The following MANBA variants were observed in gnomAD, a reference collection of about 807,000 sequenced individuals.
The protein encoded by MANBA is mannosidase beta, also known as beta-mannosidase.
Under a neutral mutation model 111.1 loss-of-function variants are expected in MANBA, and 83 were observed. The ratio of observed to expected loss-of-function variants is 0.75; its 90% CI spans 0.63 to 0.90. The LOEUF (loss-of-function observed/expected upper bound fraction) is 0.90. Ranked by LOEUF, MANBA falls within the 40% of genes least tolerant of loss-of-function variation. The pLI is 0.00. For missense variants in MANBA, 1,036 were observed against 1,069.0 expected (o/e 0.97, Z 0.43); for synonymous variants, 370 against 378.7 (o/e 0.98, Z 0.27).
intron 2 of MANBA, among the ~76,000 whole-genome samples, chr4:102,725,141 G>A (rs1431760528): frequency 6.6e-6 from 1 of 152,134 alleles, no homozygotes; most frequent in South Asian, 2.1e-4. Context: ...TTTTGTGGGG[G>A]GATGAGGAAA....
At chr4:102,648,645 T>C (rs958448374) in intron 13 of MANBA, among the ~76,000 whole-genome samples, 2 of 152,108 alleles carry the variant, frequency 1.3e-5, no homozygotes, top group Non-Finnish European at 2.9e-5. Flanking sequence ...TATTCTAAAA[T>C]TGGATCATAG....
intron 1 of MANBA, among the ~76,000 whole-genome samples, chr4:102,759,579 A>C (rs996764741): frequency 2.6e-5 from 4 of 152,120 alleles, no homozygotes; most frequent in Non-Finnish European, 5.9e-5. Context: ...AAAAAAAAAA[A>C]AAACTACTAA....
At chr4:102,729,470 G>T in intron 1 of MANBA, 1 of 1,261,692 alleles carries the variant, frequency 7.9e-7, no homozygotes. Flanking sequence ...TGGGACTGCA[G>T]CTCCTGGATC....
In MANBA at chr4:102,668,962, C is replaced by G. The variant is rs566036784; in HGVS notation, c.1317+1G>C. On this transcript the variant is annotated splice_donor_variant, in intron 10 of 16. Coordinates refer to ENST00000647097, the MANE Select transcript of MANBA (RefSeq NM_005908.4). LOFTEE classifies it high-confidence loss of function. The stretch of plus-strand genomic sequence containing the variant: ...TTCTTCTTGGAAGGGTAGTAACATA[C>G]CTGGTAGGCAACTTCTGCTGTCACT... 1.2e-6 allele frequency: 2 copies of G among 1,607,096 alleles called. No individual in the cohort carries two copies. The highest frequency in any genetic ancestry group is 2.2e-5 in the East Asian group (1 of 44,818).
intron 1 of MANBA, among the ~76,000 whole-genome samples, chr4:102,740,764 T>A (rs1482165039): frequency 6.6e-6 from 1 of 151,982 alleles, no homozygotes; most frequent in African/African-American, 2.4e-5. Context: ...TGAAACTGGA[T>A]CCTCATCTCT....
chr4:102,669,225 A>G (rs1731377285), intron 9 of MANBA, among the ~76,000 whole-genome samples, 176 bp from the exon 10 acceptor site: 1 of 152,236 alleles, frequency 6.6e-6, no homozygotes, highest in African/African-American at 2.4e-5. Flanking sequence ...AATGTATCAA[A>G]GACATTAGGA....
chr4:102,634,759 C>T (rs764161357), intron 16 of MANBA, 29 bp downstream of exon 16: 43 of 1,612,280 alleles, frequency 2.7e-5, no homozygotes, highest in Non-Finnish European at 3.5e-5. Context: ...GGCCACAGTC[C>T]CCTGCCCTCC....
Position 102,657,825 on chromosome 4 carries a change from G to C in MANBA, c.1561C>G (p.Gln521Glu). 1.2e-6 allele frequency: 2 copies of C among 1,613,884 alleles called. No homozygotes were observed. Among genetic ancestry groups the C allele is most frequent in the Non-Finnish European group, 8.5e-7 (1 of 1,179,788 alleles). The stretch of plus-strand genomic sequence containing the variant: ...CCAAAATAATTGCTATTAGGGTTTT[G>C]AGAGACCCAGGCTTCTGCAACAGTT... ...AETVAEAWVS[Q>E]NPNSNYFGDV... Residue 521 changes from glutamine to glutamate, a missense_variant, in exon 12 of 17, where the codon CAA becomes GAA. By Grantham distance (29) the Gln-to-Glu change is conservative. Transcript: ENST00000647097.
At chr4:102,704,081 C>T (rs1733186505) in intron 5 of MANBA, among the ~76,000 whole-genome samples, 1 of 150,990 alleles carries the variant, frequency 6.6e-6, no homozygotes, top group Non-Finnish European at 1.5e-5. Context: ...GGTAACAGAG[C>T]AAAACTCTAT....
At chr4:102,647,381 A>G (rs898549221) in intron 13 of MANBA, among the ~76,000 whole-genome samples, 2 of 151,152 alleles carry the variant, frequency 1.3e-5, no homozygotes, top group Non-Finnish European at 2.9e-5. Flanking sequence ...CTGGCAACAA[A>G]TAACTCCACT....
chr4:102,690,485 T>A, intron 6 of MANBA, 111 bp downstream of exon 6: 1 of 1,008,938 alleles, frequency 9.9e-7, no homozygotes, highest in Non-Finnish European at 1.5e-6. Flanking sequence ...ATGACAAATA[T>A]AAGCAGAGAA....
intron 4 of MANBA, among the ~76,000 whole-genome samples, chr4:102,718,496 T>C (rs996591946): frequency 3.3e-5 from 5 of 152,120 alleles, no homozygotes; most frequent in African/African-American, 1.2e-4. Flanking sequence ...AGGATGTGGA[T>C]AAAGAGACTT....
chr4:102,664,966 C>T (rs1731155960), intron 10 of MANBA, 114 bp from the exon 11 acceptor site: 1 of 778,176 alleles, frequency 1.3e-6, no homozygotes, highest in Non-Finnish European at 2.1e-6. Context: ...TTCTTATGTG[C>T]CAAAAACCTA....
rs764135589 is a variant in MANBA at position 102,664,795 on chromosome 4, C to T, written c.1375G>A (p.Glu459Lys). The change falls in exon 11 of 17, where the codon GAG becomes AAG. Residue 459 changes from glutamate (E) to lysine (K), a missense_variant. Physicochemically the swap from Glu to Lys is moderately conservative, Grantham distance 56. Transcript: ENST00000647097. ...IIIWSGNNENEEALMMNWYHI... is the reference protein window; with the variant it reads ...IIIWSGNNENKEALMMNWYHI... ...TACCAATTCATCATCAGCGCCTCCT[C>T]ATTTTCATTATTGCCACTCCATATG... 8 of 1,610,396 alleles carry T rather than the reference C, an allele frequency of 5.0e-6. No individual in the cohort carries two copies. In the East Asian group the frequency reaches 1.8e-4, roughly 36 times the overall value.
chr4:102,739,868 C>T lies in MANBA; in HGVS notation c.178-13185G>A, dbSNP rs145178036. 2.8e-3 allele frequency among the ~76,000 whole-genome samples: 421 copies of T among 152,232 alleles called. 3 individuals carry two copies. The highest frequency in any genetic ancestry group is 9.8e-3 in the African/African-American group (408 of 41,542). On this transcript the variant is annotated intron_variant, in intron 1 of 16. Transcript: ENST00000647097. ...ACAGGGAAAAGTTGAAAGTATTCCC[C>T]CTGAGAACTGGAACAAGACAAGGAT...
rs1465237393 is a variant in MANBA at position 102,760,814 on chromosome 4, G to C, written c.81C>G (p.Gly27=). 6.4e-7 allele frequency: 1 copy of C among 1,563,842 alleles called. No individual in the cohort carries two copies. Among genetic ancestry groups the C allele is most frequent in the Admixed American group, 1.9e-5 (1 of 52,870 alleles). Residue 27 remains glycine (G), a synonymous_variant, in exon 1 of 17, where the codon GGC becomes GGG. Transcript: ENST00000647097. The part of the protein sequence containing the change: ...TAAELSYSLR[G]NWSICNGNGS... ...CGTTCCCATTGCAGATGCTCCAGTTGCCACGCAAGCTGTAACTGAGCTCCG... is the reference window on the plus strand; with the variant it reads ...CGTTCCCATTGCAGATGCTCCAGTTCCCACGCAAGCTGTAACTGAGCTCCG...
At chr4:102,675,768 C>T (rs58695194) in intron 7 of MANBA, among the ~76,000 whole-genome samples, 1 of 152,138 alleles carries the variant, frequency 6.6e-6, no homozygotes, top group Admixed American at 6.5e-5. Flanking sequence ...GAAGGCTTAC[C>T]TTCTCACCAG....
At chr4:102,657,222 T>TTGG (rs10629916) in intron 12 of MANBA, among the ~76,000 whole-genome samples, 22,530 of 51,490 alleles carry the variant, frequency 0.44, 4,186 homozygotes, top group Non-Finnish European at 0.54. Context: ...AGGAGTGGGG[T>TTGG]GGGGGGGGGG....
chr4:102,709,279 AAAGAAAGGAAGGAAGG>A (rs1299190929), intron 5 of MANBA, among the ~76,000 whole-genome samples: 4 of 55,500 alleles, frequency 7.2e-5, no homozygotes, highest in African/African-American at 2.9e-4. Context: ...GAAAGAAAAG[AAAGAAAGGAAGGAAGG>A]AAGGAAGGAA....
Sources: allele counts gnomAD v4.1 joint callset (sites outside exome capture counted in the v4.1 genomes callset), GRCh38; gene constraint gnomAD v4.1.1; transcripts MANE v1.5; gene names NCBI Gene and HGNC (gene_info 2026-07-23, HGNC 2026-07-21).